Variants in SIX4 observed in about 807,000 individuals in gnomAD.
SIX4 encodes the protein SIX homeobox 4, also known as homeobox protein SIX4.
In SIX4, 23 loss-of-function variants were observed where a neutral mutation model predicts 51.5. That is an observed-to-expected ratio of 0.45 (90% CI 0.32 to 0.63). The LOEUF (loss-of-function observed/expected upper bound fraction) is 0.63. SIX4 is among the 30% of genes least tolerant of loss of function. The pLI, the probability that SIX4 is intolerant of heterozygous loss-of-function variation, is 0.04. For missense variants in SIX4, 867 were observed against 984.0 expected, an observed-to-expected ratio of 0.88 and a Z score of 1.59; for synonymous variants, 413 against 417.3, an observed-to-expected ratio of 0.99 and a Z score of 0.13.
rs144024030 is a variant in SIX4, at chr14:60,723,358, C to T, written c.717G>A (p.Lys239=). The T allele has an allele frequency of 1.2e-6, 2 of 1,612,406 alleles. No homozygotes were observed. The highest frequency in any genetic ancestry group is 1.7e-6 in the Non-Finnish European group (2 of 1,179,986). ...CFKEKSRNAL[K]ELYKQNRYPS... The stretch of plus-strand genomic sequence containing the variant: ...GGTAGCGATTCTGCTTGTAGAGCTC[C>T]TTGAGCGCGTTGCGCGACTTCTCCT... Residue 239 remains lysine (K), a synonymous_variant, in exon 1 of 3, where the codon AAG becomes AAA. Coordinates refer to ENST00000216513, the MANE Select transcript of SIX4 (RefSeq NM_017420.5).
chr14:60,719,622 C>G lies in SIX4; in HGVS notation c.1549+138G>C, dbSNP rs1256459192. The G allele has an allele frequency of 1.2e-6, 1 of 841,178 alleles. No individual in the cohort carries two copies. The highest frequency in any genetic ancestry group is 2.7e-5 in the East Asian group (1 of 37,584). 52.1% of individuals were successfully genotyped at this position (841,178 alleles called of 1,614,324 possible). On this transcript the variant is annotated intron_variant, in intron 2 of 2. Transcript: ENST00000216513. This position sits in a 1 kb window ranked among gnomAD's most constrained non-coding sequence, Gnocchi z 4.9. The stretch of plus-strand genomic sequence containing the variant: ...GTATTGTGAAAGAGGAGAATCACAT[C>G]AAGGCTACTCTACAGCTTCGGCAGC...
chr14:60,713,314 G>A lies in SIX4; in HGVS notation c.*93C>T, dbSNP rs1895855436. On this transcript the variant is annotated 3_prime_UTR_variant, in exon 3 of 3. Coordinates refer to ENST00000216513, the MANE Select transcript of SIX4 (RefSeq NM_017420.5). ...ATGCATATACTTGCAAAACTAGAGT[G>A]TTTTCCTTTAAATGGGAAAATGTTT... 1 of 1,369,332 alleles carries A rather than the reference G, an allele frequency of 7.3e-7. No individual in the cohort carries two copies. The highest frequency in any genetic ancestry group is 2.3e-5 in the East Asian group (1 of 43,540). 84.8% of individuals were successfully genotyped at this position (1,369,332 alleles called of 1,614,324 possible).
At position 60,723,625 on chromosome 14, in the gene SIX4, C is replaced by T. The variant is rs1353357943; in HGVS notation, c.450G>A (p.Lys150=). 1 of 1,606,288 alleles carries T rather than the reference C, an allele frequency of 6.2e-7. No individual in the cohort carries two copies. Among genetic ancestry groups the T allele is most frequent in the South Asian group, 1.1e-5 (1 of 90,106 alleles). Residue 150 remains lysine, a synonymous_variant, in exon 1 of 3, where the codon AAG becomes AAA. Transcript: ENST00000216513. ...GGTGGAAGGCCACGAGCGCCCGCGCCTTCAGCAGGCTCTCGTTGCCACGTA... is the reference window on the plus strand; with the variant it reads ...GGTGGAAGGCCACGAGCGCCCGCGCTTTCAGCAGGCTCTCGTTGCCACGTA... The part of the protein sequence containing the change: ...DLLRGNESLL[K]ARALVAFHQG...
chr14:60,722,248 G>C lies in SIX4; in HGVS notation c.863+964C>G, dbSNP rs962772873. On this transcript the variant is annotated intron_variant, in intron 1 of 2. Transcript: ENST00000216513. The surrounding 1 kb of genome is among the most constrained non-coding windows in gnomAD (Gnocchi z 5.9). ...ACGCACACACCAAGTGTCTGACTCG[G>C]GAGGACGCACAAAAGAGGTGGAAAA... Among the ~76,000 whole-genome samples, 3 of 152,204 alleles carry C rather than the reference G, an allele frequency of 2.0e-5. No individual in the cohort carries two copies. Among genetic ancestry groups the C allele is most frequent in the Non-Finnish European group, 4.4e-5 (3 of 68,034 alleles).
chr14:60,714,201 T>A lies in SIX4; in HGVS notation c.1552A>T (p.Asn518Tyr), dbSNP rs1164287142. ...PPVSVAASQG[N>Y]ISVSSSTSDG... is the part of the protein sequence containing the mutation. Reference sequence around the variant, plus strand: ...GAAGTGCTTGAGCTTACTGAGATATTACCTAAAAAAAATAAAGTACTGATT... The same window carrying A: ...GAAGTGCTTGAGCTTACTGAGATATAACCTAAAAAAAATAAAGTACTGATT... The change falls in exon 3 of 3, where the codon AAT (asparagine) becomes TAT (tyrosine). Residue 518 changes from asparagine (N) to tyrosine (Y), a missense_variant and splice_region_variant. By Grantham distance (143) the Asn-to-Tyr change is moderately radical. Transcript: ENST00000216513. 1 of 1,568,128 alleles carries A rather than the reference T, an allele frequency of 6.4e-7. No homozygotes were observed. Among genetic ancestry groups the A allele is most frequent in the Admixed American group, 2.1e-5 (1 of 48,750 alleles).
rs1199868304 is a variant in SIX4 at position 60,710,134 on chromosome 14, T to G, written c.*3273A>C. 1 of 152,626 alleles carries G rather than the reference T, an allele frequency of 6.6e-6. No homozygotes were observed. Among genetic ancestry groups the G allele is most frequent in the East Asian group, 1.9e-4 (1 of 5,198 alleles). The allele number at this position is 152,626 out of a possible 1,614,324, so 9.5% of individuals were successfully genotyped here. A position where few individuals can be genotyped will look rare whatever the true frequency, so the allele number is the denominator to read the frequency against. ...CTTGTGGCTATGTACTAAAGCACAC[T>G]TGTCTAGCATGTAGCAGGGCAGGCT... On this transcript the variant is annotated 3_prime_UTR_variant, in exon 3 of 3. Transcript: ENST00000216513.
rs568816264 is a variant in SIX4 at position 60,723,769 on chromosome 14, CGCGGCGGCG to C, written c.297_305del (p.Ala100_Ala102del). ...CGGGCGAGAAGGCCAGCGGGGTCTG[CGCGGCGGCG>C]GCGGCGGCGTGGTGGTGCCTGCCCA... On this transcript the variant is annotated inframe_deletion, in exon 1 of 3. Transcript: ENST00000216513. The C allele has an allele frequency of 1.2e-5, 18 of 1,538,346 alleles. No individual in the cohort carries two copies. The highest frequency in any genetic ancestry group is 2.0e-5 in the Admixed American group (1 of 50,640).
Position 60,724,308 on chromosome 14 carries a change from C to T in SIX4, c.-234G>A, listed in dbSNP as rs938315091. ...GTGTAAACGGATAGCTGCTTTCTGC[C>T]GTTCCCCCAACGTGACTCCTCCGGT... On this transcript the variant is annotated 5_prime_UTR_variant, in exon 1 of 3. Transcript: ENST00000216513. 4 of 1,512,460 alleles carry T rather than the reference C, an allele frequency of 2.6e-6. No homozygotes were observed. The highest frequency in any genetic ancestry group is 2.0e-5 in the Admixed American group (1 of 50,178). The allele number at this position is 1,512,460 out of a possible 1,614,324, so 93.7% of individuals were successfully genotyped here.
rs1280849094 is a variant in SIX4 at position 60,722,608 on chromosome 14, T to A, written c.863+604A>T. On this transcript the variant is annotated intron_variant, in intron 1 of 2. Coordinates refer to ENST00000216513, the MANE Select transcript of SIX4 (RefSeq NM_017420.5). This position sits in a 1 kb window ranked among gnomAD's most constrained non-coding sequence, Gnocchi z 5.9. Reference sequence around the variant, plus strand: ...GCAGGGTGAATGATTAACTCTGTCATATGAAACCTCGACGTTCCGAGACCC... The same window carrying A: ...GCAGGGTGAATGATTAACTCTGTCAAATGAAACCTCGACGTTCCGAGACCC... Among the ~76,000 whole-genome samples the A allele has an allele frequency of 6.6e-6, 1 of 152,094 alleles. No individual in the cohort carries two copies. Among genetic ancestry groups the A allele is most frequent in the Non-Finnish European group, 1.5e-5 (1 of 68,016 alleles).
chr14:60,710,635 A>G lies in SIX4; in HGVS notation c.*2772T>C, dbSNP rs1485183958. The G allele has an allele frequency of 2.0e-5, 3 of 152,606 alleles. No individual in the cohort carries two copies. The highest frequency in any genetic ancestry group is 4.4e-5 in the Non-Finnish European group (3 of 68,040). 9.5% of individuals were successfully genotyped at this position (152,606 alleles called of 1,614,324 possible). ...TTATGTAAGAGGGAAATTCTGCCAC[A>G]TGACTCCAAGGGTTCTGAGTCTGGC... is the stretch of plus-strand genomic sequence containing the variant. On this transcript the variant is annotated 3_prime_UTR_variant, in exon 3 of 3. Coordinates refer to ENST00000216513, the MANE Select transcript of SIX4 (RefSeq NM_017420.5).
rs746607901 is a variant in SIX4 at position 60,720,322 on chromosome 14, C to T, written c.987G>A (p.Glu329=). 9 of 1,614,162 alleles carry T rather than the reference C, an allele frequency of 5.6e-6. No homozygotes were observed. The highest frequency in any genetic ancestry group is 7.6e-6 in the Non-Finnish European group (9 of 1,180,034). Residue 329 remains glutamate (E), a synonymous_variant, in exon 2 of 3, where the codon GAG becomes GAA. Transcript: ENST00000216513. The surrounding 1 kb of genome is among the most constrained non-coding windows in gnomAD (Gnocchi z 5.5). ...ITNLSLSSHM[E]PVYMQQIGNA... ...TTCCAATTTGTTGCATATATACTGG[C>T]TCCATATGACTGGAAAGGCTGAGGT...
chr14:60,724,153 C>T lies in SIX4; in HGVS notation c.-79G>A, dbSNP rs1443900313. On this transcript the variant is annotated 5_prime_UTR_variant, in exon 1 of 3. Coordinates refer to ENST00000216513, the MANE Select transcript of SIX4 (RefSeq NM_017420.5). ...TCTTTCCTCCTCTCTTACTCCTCCT[C>T]CTTCGTCTCCCTCCCTCCTCTCCCC... The T allele has an allele frequency of 3.7e-6, 6 of 1,603,764 alleles. No homozygotes were observed. Among genetic ancestry groups the T allele is most frequent in the Non-Finnish European group, 5.1e-6 (6 of 1,177,812 alleles).
Position 60,719,839 on chromosome 14 carries a change from T to C in SIX4, c.1470A>G (p.Gly490=). ...QYGIVQIPNS[G]ANSQFLNGSI... is the part of the protein sequence containing the mutation. ...TCCCATTAAGGAACTGGCTGTTTGC[T>C]CCGGAATTGGGGATCTGGACAATGC... is the stretch of plus-strand genomic sequence containing the variant. Residue 490 remains glycine, a synonymous_variant, in exon 2 of 3, where the codon GGA becomes GGG. Coordinates refer to ENST00000216513, the MANE Select transcript of SIX4 (RefSeq NM_017420.5). The surrounding 1 kb of genome is among the most constrained non-coding windows in gnomAD (Gnocchi z 4.9). The C allele has an allele frequency of 6.2e-7, 1 of 1,614,218 alleles. No individual in the cohort carries two copies. The highest frequency in any genetic ancestry group is 1.1e-5 in the South Asian group (1 of 91,090).
intron 2 of SIX4, among the ~76,000 whole-genome samples, chr14:60,714,671 CT>C (rs543848316): frequency 9.3e-4 from 133 of 143,544 alleles, no homozygotes; most frequent in Middle Eastern, 3.7e-3. Context: ...CTTATTATTT[CT>C]TTTTTTTTTT....
chr14:60,719,916 C>G lies in SIX4; in HGVS notation c.1393G>C (p.Asp465His), dbSNP rs1895989667. Residue 465 changes from aspartate to histidine, a missense_variant, in exon 2 of 3, where the codon GAT (aspartate) becomes CAT (histidine). Coordinates refer to ENST00000216513, the MANE Select transcript of SIX4 (RefSeq NM_017420.5). This position sits in a 1 kb window ranked among gnomAD's most constrained non-coding sequence, Gnocchi z 4.9. ...REGIQTVASQDGGSVVTFTTP... is the reference protein window; with the variant it reads ...REGIQTVASQHGGSVVTFTTP... ...GTAAAAGTCACTACAGACCCTCCAT[C>G]TTGGGAAGCCACTGTTTGAATGCCT... The G allele has an allele frequency of 1.2e-6, 2 of 1,614,102 alleles. No individual in the cohort carries two copies. The highest frequency in any genetic ancestry group is 2.7e-5 in the African/African-American group (2 of 74,922).
In SIX4 at chr14:60,716,317, A is replaced by G. The variant is rs563520830; in HGVS notation, c.1550-2114T>C. 1.7e-3 allele frequency among the ~76,000 whole-genome samples: 254 copies of G among 151,956 alleles called. 1 individual carries two copies. Among genetic ancestry groups the G allele is most frequent in the African/African-American group, 5.4e-3 (224 of 41,428 alleles). On this transcript the variant is annotated intron_variant, in intron 2 of 2. Coordinates refer to ENST00000216513, the MANE Select transcript of SIX4 (RefSeq NM_017420.5). ...ACCCAGGCTGGAGTGCGGTGGTGCAATCTTGGCTCACTGCAAACTCCGCTT... is the reference window on the plus strand; with the variant it reads ...ACCCAGGCTGGAGTGCGGTGGTGCAGTCTTGGCTCACTGCAAACTCCGCTT...
intron 2 of SIX4, among the ~76,000 whole-genome samples, chr14:60,716,006 C>T (rs1895914343): frequency 6.6e-6 from 1 of 152,018 alleles, no homozygotes; most frequent in Admixed American, 6.6e-5. Context: ...GCTGGGATTA[C>T]AGATGCATGT....
intron 2 of SIX4, among the ~76,000 whole-genome samples, chr14:60,714,467 T>C (rs1466924886): frequency 1.3e-5 from 2 of 152,144 alleles, no homozygotes; most frequent in African/African-American, 4.8e-5. Flanking sequence ...ATATTTTGTA[T>C]GGAGACATCT....
At position 60,713,613 on chromosome 14, in the gene SIX4, C is replaced by T; in HGVS notation, c.2140G>A (p.Val714Ile). Residue 714 changes from valine to isoleucine, a missense_variant, in exon 3 of 3, where the codon GTT (valine) becomes ATT (isoleucine). By Grantham distance (29) the Val-to-Ile change is conservative. Coordinates refer to ENST00000216513, the MANE Select transcript of SIX4 (RefSeq NM_017420.5). ...HQDFVQEHRL[V>I]LQSVANMKEN... ...TTCATGTTAGCTACCGATTGCAGAACCAAACGATGTTCTTGGACAAAATCC... is the reference window on the plus strand; with the variant it reads ...TTCATGTTAGCTACCGATTGCAGAATCAAACGATGTTCTTGGACAAAATCC... 6.2e-7 allele frequency: 1 copy of T among 1,614,222 alleles called. No homozygotes were observed. The highest frequency in any genetic ancestry group is 8.5e-7 in the Non-Finnish European group (1 of 1,180,042).
Sources: gnomAD v4.1 joint callset for allele counts (sites outside exome capture counted in the v4.1 genomes callset) on GRCh38, gnomAD v4.1.1 for gene constraint, Gnocchi (gnomAD v3.1) non-coding constraint, MANE v1.5 for transcripts, NCBI Gene and HGNC (gene_info 2026-07-23, HGNC 2026-07-21) for gene names.